ADCY9: variants seen among roughly 807,000 people sequenced by gnomAD.
The protein encoded by ADCY9 is adenylate cyclase 9.
A neutral mutation model predicts 101.5 loss-of-function variants in ADCY9; 50 were observed. The ratio of observed to expected loss-of-function variants is 0.49; its 90% CI spans 0.39 to 0.62. ADCY9 has a LOEUF of 0.62. ADCY9 is among the 20% of genes least tolerant of loss of function. The pLI, the probability that ADCY9 is intolerant of heterozygous loss-of-function variation, is 0.00. For missense variants in ADCY9, 1,662 were observed against 1,800.4 expected, an observed-to-expected ratio of 0.92 and a Z score of 1.39; for synonymous variants, 905 against 769.3, an observed-to-expected ratio of 1.18 and a Z score of -2.92.
rs2055956600 is a variant in ADCY9 at position 3,963,365 on chromosome 16, T to C, written c.*2410A>G. 2.5e-6 allele frequency: 1 copy of C among 398,728 alleles called. No individual in the cohort carries two copies. The highest frequency in any genetic ancestry group is 2.1e-5 in the African/African-American group (1 of 48,580). 24.7% of individuals were successfully genotyped at this position (398,728 alleles called of 1,614,324 possible). ...GTGCTCGCTGCCAACAGACAAGAGA[T>C]GCACGGCGTTTCCGCTGCAGAGATT... On this transcript the variant is annotated 3_prime_UTR_variant, in exon 11 of 11. Transcript: ENST00000294016.
chr16:4,034,651 T>G (rs1167175316), intron 2 of ADCY9, among the ~76,000 whole-genome samples: 1 of 152,160 alleles, frequency 6.6e-6, no homozygotes, highest in African/African-American at 2.4e-5. Flanking sequence ...ACTCCTGACC[T>G]CAAGTGATCT....
intron 6 of ADCY9, among the ~76,000 whole-genome samples, chr16:3,988,438 C>G (rs77192862): frequency 0.073 from 6,063 of 83,418 alleles, 209 homozygotes; most frequent in Admixed American, 0.14. Flanking sequence ...AGTTCCCTTC[C>G]AGGGCAGGTG....
intron 2 of ADCY9, among the ~76,000 whole-genome samples, chr16:4,105,209 A>T (rs2057068643): frequency 6.6e-6 from 1 of 152,232 alleles, no homozygotes; most frequent in Non-Finnish European, 1.5e-5. Flanking sequence ...TGTTACTTAC[A>T]TTAACATGCA....
At chr16:4,002,611 A>G (rs2141716122) in intron 3 of ADCY9, among the ~76,000 whole-genome samples, 1 of 152,358 alleles carries the variant, frequency 6.6e-6, no homozygotes, top group Admixed American at 6.5e-5. Context: ...AAGACCAGCC[A>G]CGCAGGTGCG....
intron 2 of ADCY9, among the ~76,000 whole-genome samples, chr16:4,023,525 G>A (rs2056492662): frequency 6.6e-6 from 1 of 152,244 alleles, no homozygotes; most frequent in Non-Finnish European, 1.5e-5. Context: ...TCACGTGGCT[G>A]AAAGGTGGCA....
Position 4,115,144 on chromosome 16 carries a change from A to T in ADCY9, c.299T>A (p.Leu100Gln), listed in dbSNP as rs748944336. The change falls in exon 2 of 11, where the codon CTG becomes CAG. Residue 100 changes from leucine to glutamine, a missense_variant. Physicochemically the swap from Leu to Gln is moderately radical, Grantham distance 113 (BLOSUM62 -2). Transcript: ENST00000294016. This position sits in a 1 kb window ranked among gnomAD's most constrained non-coding sequence, Gnocchi z 6.2. ...WWDPKFDSVN[L>Q]EEACLERCFP... ...GCAGCGCTCCAGGCAGGCCTCCTCC[A>T]GGTTCACCGAGTCGAACTTGGGGTC... 2 of 1,613,860 alleles carry T rather than the reference A, an allele frequency of 1.2e-6. No homozygotes were observed. Among genetic ancestry groups the T allele is most frequent in the Non-Finnish European group, 1.7e-6 (2 of 1,180,024 alleles).
chr16:3,988,427 G>A (rs1370986436), intron 6 of ADCY9, among the ~76,000 whole-genome samples: 3 of 148,344 alleles, frequency 2.0e-5, no homozygotes, highest in Non-Finnish European at 3.0e-5. Context: ...GGTCGGTGGG[G>A]AGTTCCCTTC....
rs541274139 is a variant in ADCY9, at chr16:4,091,024, A to G, written c.1693+22726T>C. ...GTTTTCCAAAACATCGGACTGCCACAGGTAACTTTTTACAGGGTCTTCATA... is the reference window on the plus strand; with the variant it reads ...GTTTTCCAAAACATCGGACTGCCACGGGTAACTTTTTACAGGGTCTTCATA... On this transcript the variant is annotated intron_variant, in intron 2 of 10. Transcript: ENST00000294016. Among the ~76,000 whole-genome samples the G allele has an allele frequency of 4.7e-3, 719 of 152,094 alleles. 7 individuals carry two copies. Among genetic ancestry groups the G allele is most frequent in the African/African-American group, 0.016 (669 of 41,564 alleles).
In ADCY9 at chr16:4,099,224, C is replaced by T. The variant is rs777521037; in HGVS notation, c.1693+14526G>A. On this transcript the variant is annotated intron_variant, in intron 2 of 10. Transcript: ENST00000294016. ...CTGGGATTACAGACGTGAACCACCACGCCCGGCCTTTTTATTGTTTTTTTA... is the reference window on the plus strand; with the variant it reads ...CTGGGATTACAGACGTGAACCACCATGCCCGGCCTTTTTATTGTTTTTTTA... 4.6e-5 allele frequency among the ~76,000 whole-genome samples: 7 copies of T among 152,124 alleles called. No homozygotes were observed. The South Asian group carries it at 8.3e-4, about 18-fold the overall frequency.
intron 2 of ADCY9, among the ~76,000 whole-genome samples, chr16:4,014,369 G>A (rs1388130443): frequency 1.3e-5 from 2 of 151,442 alleles, no homozygotes; most frequent in African/African-American, 4.8e-5. Context: ...ATATGAGATG[G>A]ATTTATGGAA....
rs560050015 is a variant in ADCY9, at chr16:4,038,846, A to G, written c.1694-31288T>C. On this transcript the variant is annotated intron_variant, in intron 2 of 10. Coordinates refer to ENST00000294016, the MANE Select transcript of ADCY9 (RefSeq NM_001116.4). ...CTTTCCTTCCACTCCCACTGCCTGA[A>G]CCCTGAATGTCTCTCGGGCCCCAGC... is the stretch of plus-strand genomic sequence containing the variant. Among the ~76,000 whole-genome samples, 17 of 151,128 alleles carry G rather than the reference A, an allele frequency of 1.1e-4. No homozygotes were observed. The South Asian group carries it at 3.6e-3, about 32-fold the overall frequency.
intron 2 of ADCY9, among the ~76,000 whole-genome samples, chr16:4,016,711 T>G (rs1597167282): frequency 6.6e-6 from 1 of 152,178 alleles, no homozygotes; most frequent in South Asian, 2.1e-4. Flanking sequence ...GATGTTTAGT[T>G]AAAGAAGCCA....
chr16:4,059,311 G>A (rs955575255), intron 2 of ADCY9, among the ~76,000 whole-genome samples: 4 of 147,754 alleles, frequency 2.7e-5, no homozygotes, highest in Admixed American at 2.0e-4. Context: ...AACCTGGAAG[G>A]CAGAGGCTGC....
chr16:4,047,904 C>G (rs2056676364), intron 2 of ADCY9, among the ~76,000 whole-genome samples: 1 of 152,204 alleles, frequency 6.6e-6, no homozygotes, highest in Non-Finnish European at 1.5e-5. Context: ...GCCCTGAACC[C>G]TCCCTTACCC....
At chr16:4,074,897 G>A (rs1049069770) in intron 2 of ADCY9, among the ~76,000 whole-genome samples, 5 of 151,812 alleles carry the variant, frequency 3.3e-5, no homozygotes, top group South Asian at 2.1e-4. Flanking sequence ...CTTTATGGCC[G>A]GGTATAGTGG....
chr16:4,030,466 C>G (rs566024808), intron 2 of ADCY9, among the ~76,000 whole-genome samples: 1 of 152,194 alleles, frequency 6.6e-6, no homozygotes, highest in South Asian at 2.1e-4. Context: ...CTTTGGGAGG[C>G]CTAGGCGGGT....
intron 2 of ADCY9, among the ~76,000 whole-genome samples, chr16:4,101,880 A>C (rs1313659479): frequency 1.3e-5 from 2 of 152,192 alleles, no homozygotes; most frequent in Non-Finnish European, 2.9e-5. Flanking sequence ...GAAGCAGCCT[A>C]GGAACGAGCC....
rs138875313 is a variant in ADCY9, at chr16:4,077,155, G to C, written c.1693+36595C>G. 1.7e-3 allele frequency among the ~76,000 whole-genome samples: 255 copies of C among 152,228 alleles called. No individual in the cohort carries two copies. The Middle Eastern group carries it at 0.02, about 12-fold the overall frequency. On this transcript the variant is annotated intron_variant, in intron 2 of 10. Coordinates refer to ENST00000294016, the MANE Select transcript of ADCY9 (RefSeq NM_001116.4). ...GCATGCGGACTCACTGGACTACAGG[G>C]TGTAAGATGAGGCCAACTGTAAGCC...
chr16:4,075,033 C>T (rs902168251), intron 2 of ADCY9, among the ~76,000 whole-genome samples: 4 of 152,050 alleles, frequency 2.6e-5, no homozygotes, highest in African/African-American at 9.7e-5. Flanking sequence ...AAAAATTAGC[C>T]AGCTATGGTG....
Sources: gnomAD v4.1 joint callset for allele counts (sites outside exome capture counted in the v4.1 genomes callset) on GRCh38, gnomAD v4.1.1 for gene constraint, Gnocchi (gnomAD v3.1) non-coding constraint, MANE v1.5 for transcripts, NCBI Gene and HGNC (gene_info 2026-07-23, HGNC 2026-07-21) for gene names.